NLGN1: variants seen among roughly 807,000 people sequenced by gnomAD.
NLGN1 encodes the protein neuroligin-1.
A neutral mutation model predicts 65.5 loss-of-function variants in NLGN1; 12 were observed. The ratio of observed to expected loss-of-function variants is 0.18; its 90% CI spans 0.12 to 0.30. The LOEUF (loss-of-function observed/expected upper bound fraction) is 0.30. Among genes scored for constraint, NLGN1 ranks in the 10% least tolerant of loss-of-function variants. NLGN1 has a pLI of 1.00. For missense variants in NLGN1, 750 were observed against 1,007.1 expected (o/e 0.74, Z 3.46); for synonymous variants, 350 against 359.5 (o/e 0.97, Z 0.30).
At chr3:174,132,913 A>G (rs1333263861) in intron 4 of NLGN1, among the ~76,000 whole-genome samples, 2 of 152,180 alleles carry the variant, frequency 1.3e-5, no homozygotes, top group Non-Finnish European at 1.5e-5. Flanking sequence ...GCCAGTGACA[A>G]ATTAGGCTTA....
At chr3:173,767,630 T>C (rs1454392715) in intron 3 of NLGN1, among the ~76,000 whole-genome samples, 1 of 152,100 alleles carries the variant, frequency 6.6e-6, no homozygotes, top group Non-Finnish European at 1.5e-5. Flanking sequence ...AGCCAATTCA[T>C]TGAATAGTGC....
chr3:174,019,340 G>A (rs1727258761), intron 4 of NLGN1, among the ~76,000 whole-genome samples: 1 of 152,064 alleles, frequency 6.6e-6, no homozygotes, highest in Non-Finnish European at 1.5e-5. Flanking sequence ...GATAGGACTG[G>A]TGGCTTTATA....
At chr3:174,233,124 GC>G (rs1363556805) in intron 4 of NLGN1, among the ~76,000 whole-genome samples, 1 of 152,126 alleles carries the variant, frequency 6.6e-6, no homozygotes, top group Non-Finnish European at 1.5e-5. Flanking sequence ...GAAGATCTTT[GC>G]ACTGTTACTT....
intron 4 of NLGN1, among the ~76,000 whole-genome samples, chr3:173,999,967 GTT>G (rs397940737): frequency 1.4e-5 from 2 of 147,420 alleles, no homozygotes; most frequent in African/African-American, 4.9e-5. Flanking sequence ...TAACAAACAG[GTT>G]TTTTTTTTTC....
Position 173,400,317 on chromosome 3 carries a change from AT to A in NLGN1, c.-390+1832del, listed in dbSNP as rs1020296210. 1.8e-4 allele frequency among the ~76,000 whole-genome samples: 27 copies of A among 152,136 alleles called. 1 individual carries two copies. The highest frequency in any genetic ancestry group is 5.1e-4 in the African/African-American group (21 of 41,434). The stretch of plus-strand genomic sequence containing the variant: ...AACATTGGCCAGTGGCTCCTTATAG[AT>A]TATTACATGCCAAAGTCCACAACCC... On this transcript the variant is annotated intron_variant, in intron 1 of 6. Transcript: ENST00000457714.
chr3:174,213,535 C>A (rs978338362), intron 4 of NLGN1, among the ~76,000 whole-genome samples: 7 of 152,068 alleles, frequency 4.6e-5, no homozygotes, highest in Non-Finnish European at 2.9e-5. Context: ...TTTAATGTCC[C>A]ATGTGATAAT....
intron 3 of NLGN1, among the ~76,000 whole-genome samples, chr3:173,670,257 T>C (rs1762276870): frequency 6.6e-6 from 1 of 152,206 alleles, no homozygotes; most frequent in Non-Finnish European, 1.5e-5. Context: ...TGGACTATGT[T>C]ACTGCATTCT....
At chr3:173,922,195 G>A (rs1406056860) in intron 4 of NLGN1, among the ~76,000 whole-genome samples, 2 of 152,016 alleles carry the variant, frequency 1.3e-5, no homozygotes, top group African/African-American at 4.8e-5. Context: ...TTTAAAATTT[G>A]TATAAAGAAC....
intron 3 of NLGN1, among the ~76,000 whole-genome samples, chr3:173,716,737 A>G (rs1451801683): frequency 8.1e-6 from 1 of 124,116 alleles, no homozygotes; most frequent in Non-Finnish European, 1.9e-5. Context: ...TAAAAGAGAA[A>G]GCTGCATAAT....
chr3:173,643,356 A>T (rs1209363309), intron 3 of NLGN1, among the ~76,000 whole-genome samples: 1 of 152,220 alleles, frequency 6.6e-6, no homozygotes, highest in Non-Finnish European at 1.5e-5. Context: ...GAAACACAAA[A>T]TAAATGACAA....
At chr3:173,720,858 A>C (rs1770720517) in intron 3 of NLGN1, among the ~76,000 whole-genome samples, 1 of 152,200 alleles carries the variant, frequency 6.6e-6, no homozygotes, top group Non-Finnish European at 1.5e-5. Flanking sequence ...ATAATTTTTA[A>C]GGATAAACTT....
intron 4 of NLGN1, among the ~76,000 whole-genome samples, chr3:173,913,874 C>T (rs1289249700): frequency 2.0e-5 from 3 of 152,116 alleles, no homozygotes; most frequent in African/African-American, 7.2e-5. Context: ...GACTGAAAAT[C>T]CATCTTGTTG....
intron 4 of NLGN1, among the ~76,000 whole-genome samples, chr3:173,820,753 T>C (rs1383723667): frequency 6.6e-6 from 1 of 152,166 alleles, no homozygotes; most frequent in Non-Finnish European, 1.5e-5. Context: ...TGACCAGAGG[T>C]AACCGGAGAG....
chr3:173,968,903 G>A (rs1430558822), intron 4 of NLGN1, among the ~76,000 whole-genome samples: 2 of 151,348 alleles, frequency 1.3e-5, no homozygotes, highest in East Asian at 2.0e-4. Flanking sequence ...GTTTTACCAT[G>A]TTGGCCAGGC....
At chr3:173,820,113 A>C (rs1257536105) in intron 4 of NLGN1, among the ~76,000 whole-genome samples, 2 of 148,350 alleles carry the variant, frequency 1.3e-5, no homozygotes, top group East Asian at 2.3e-4. Flanking sequence ...CGGGAGGCGG[A>C]GCTTGCAGTG....
chr3:173,581,386 G>A (rs1746370375), intron 2 of NLGN1, among the ~76,000 whole-genome samples: 1 of 151,866 alleles, frequency 6.6e-6, no homozygotes, highest in Non-Finnish European at 1.5e-5. Flanking sequence ...TTTCTTTCAT[G>A]TTGTAATTTC....
At chr3:173,752,284 A>AT (rs560646279) in intron 3 of NLGN1, among the ~76,000 whole-genome samples, 19 of 152,088 alleles carry the variant, frequency 1.2e-4, no homozygotes, top group Non-Finnish European at 2.5e-4. Context: ...AGTGTTTAAT[A>AT]TGCCAGATAT....
intron 4 of NLGN1, among the ~76,000 whole-genome samples, chr3:174,143,635 G>A (rs946251213): frequency 6.6e-6 from 1 of 151,964 alleles, no homozygotes; most frequent in Admixed American, 6.6e-5. Context: ...GATTTGGTGG[G>A]GGGGTATACA....
intron 4 of NLGN1, among the ~76,000 whole-genome samples, chr3:174,105,211 G>A (rs1181365709): frequency 2.0e-5 from 3 of 152,032 alleles, no homozygotes; most frequent in African/African-American, 7.2e-5. Flanking sequence ...TTGCAAGAAG[G>A]GGAGGAATTG....
Sources: gnomAD v4.1 joint callset for allele counts (sites outside exome capture counted in the v4.1 genomes callset) on GRCh38, gnomAD v4.1.1 for gene constraint, MANE v1.5 for transcripts, NCBI Gene and HGNC (gene_info 2026-07-23, HGNC 2026-07-21) for gene names.